CCDC85A: variants seen among roughly 807,000 people sequenced by gnomAD.
CCDC85A encodes coiled-coil domain-containing protein 85A.
CCDC85A carries 38 observed loss-of-function variants against 50.2 expected under a neutral mutation model. That is an observed-to-expected ratio of 0.76 (90% CI 0.58 to 0.99). The LOEUF is 0.99. Ranked by LOEUF, CCDC85A falls within the 50% of genes least tolerant of loss-of-function variation. The pLI is 0.00. For missense variants in CCDC85A, 820 were observed against 742.0 expected (o/e 1.11, Z -1.22); for synonymous variants, 366 against 301.4 (o/e 1.21, Z -2.22).
chr2:56,276,582 G>A (rs771834513), intron 2 of CCDC85A, among the ~76,000 whole-genome samples: 12 of 152,010 alleles, frequency 7.9e-5, no homozygotes, highest in Non-Finnish European at 1.3e-4. Flanking sequence ...CTCTCTTGCC[G>A]CTGCCACGTG....
chr2:56,381,079 A>C lies in CCDC85A; in HGVS notation c.1573-3187A>C, dbSNP rs573899676. Among the ~76,000 whole-genome samples the C allele has an allele frequency of 5.3e-5, 8 of 152,180 alleles. No homozygotes were observed. In the East Asian group the frequency reaches 1.6e-3, roughly 30 times the overall value. On this transcript the variant is annotated intron_variant, in intron 5 of 5. Transcript: ENST00000407595. ...CCCCTGGGCATTTTTTATGTGCTGG[A>C]ATGAGACTTGTAGTCTCTTGCTTGC...
Position 56,294,724 on chromosome 2 carries a change from A to G in CCDC85A, c.1241-48155A>G, listed in dbSNP as rs74416770. Among the ~76,000 whole-genome samples, 1,306 of 152,330 alleles carry G rather than the reference A, an allele frequency of 8.6e-3. 29 individuals are homozygous for G. The highest frequency in any genetic ancestry group is 0.03 in the African/African-American group (1,229 of 41,588). ...ATCAGAACTTAGAGATTTATGTATG[A>G]AAAAGTGATAATGTTTCTGGGTTGC... is the stretch of plus-strand genomic sequence containing the variant. On this transcript the variant is annotated intron_variant, in intron 2 of 5. Coordinates refer to ENST00000407595, the MANE Select transcript of CCDC85A (RefSeq NM_001080433.2).
chr2:56,373,986 T>C (rs1404479255), intron 4 of CCDC85A, among the ~76,000 whole-genome samples: 1 of 152,216 alleles, frequency 6.6e-6, no homozygotes, highest in African/African-American at 2.4e-5. Flanking sequence ...TAACCATCTT[T>C]TAACTTCAGA....
In CCDC85A at chr2:56,375,873, G is replaced by T. The variant is rs767322339; in HGVS notation, c.1510G>T (p.Ala504Ser). The change falls in exon 5 of 6, where the codon GCT becomes TCT. Residue 504 changes from alanine (A) to serine (S), a missense_variant. Ala to Ser is a moderately conservative substitution (Grantham distance 99). Transcript: ENST00000407595. The part of the protein sequence containing the change: ...DGSNSSPNSA[A>S]SFSGHATPSQ... The stretch of plus-strand genomic sequence containing the variant: ...GAGTAACAGTTCACCCAACTCTGCA[G>T]CTAGCTTCAGTGGACATGCCACACC... 1.9e-6 allele frequency: 3 copies of T among 1,613,810 alleles called. No individual in the cohort carries two copies. Among genetic ancestry groups the T allele is most frequent in the Non-Finnish European group, 2.5e-6 (3 of 1,179,788 alleles).
At chr2:56,301,483 C>T (rs1672199184) in intron 2 of CCDC85A, among the ~76,000 whole-genome samples, 2 of 152,064 alleles carry the variant, frequency 1.3e-5, no homozygotes, top group African/African-American at 4.8e-5. Context: ...ATAAGTGCCC[C>T]TCCAGTGATT....
rs917672547 is a variant in CCDC85A, at chr2:56,184,629, C to G, written c.5C>G (p.Ser2Trp). The change falls in exon 1 of 6, where the codon TCG (serine) becomes TGG (tryptophan). Residue 2 changes from serine to tryptophan, a missense_variant. Ser to Trp is a radical substitution (Grantham distance 177, BLOSUM62 -3). Coordinates refer to ENST00000407595, the MANE Select transcript of CCDC85A (RefSeq NM_001080433.2). ...ACCTGCCACCCCGCGGATACCATGT[C>G]GAAGGCGGCCGGAGGCGCGGCGGCG... MSKAAGGAAAAA... is the reference protein window; with the variant it reads MWKAAGGAAAAA... 115 of 1,426,370 alleles carry G rather than the reference C, an allele frequency of 8.1e-5. No homozygotes were observed. The highest frequency in any genetic ancestry group is 1.0e-4 in the Non-Finnish European group (115 of 1,104,434). 88.4% of individuals were successfully genotyped at this position (1,426,370 alleles called of 1,614,324 possible). A position where few individuals can be genotyped will look rare whatever the true frequency, so the allele number is the denominator to read the frequency against.
chr2:56,293,622 A>G (rs1460532849), intron 2 of CCDC85A, among the ~76,000 whole-genome samples: 1 of 152,168 alleles, frequency 6.6e-6, no homozygotes, highest in African/African-American at 2.4e-5. Flanking sequence ...GAAAAAAACA[A>G]CTCCATCAAA....
intron 3 of CCDC85A, among the ~76,000 whole-genome samples, chr2:56,354,329 A>G (rs534943093): frequency 1.4e-4 from 22 of 152,364 alleles, no homozygotes; most frequent in African/African-American, 5.1e-4. Context: ...GGTATCACAC[A>G]TTAGTTTTTT....
intron 2 of CCDC85A, among the ~76,000 whole-genome samples, chr2:56,251,657 CTCT>C (rs1320658963): frequency 5.3e-5 from 8 of 152,080 alleles, no homozygotes; most frequent in Admixed American, 5.2e-4. Flanking sequence ...CCTGCTCTGC[CTCT>C]TCTTGCTGTT....
rs13420629 is a variant in CCDC85A at position 56,338,343 on chromosome 2, T to A, written c.1241-4536T>A. 3.7e-3 allele frequency among the ~76,000 whole-genome samples: 564 copies of A among 152,280 alleles called. 1 individual carries two copies. Among genetic ancestry groups the A allele is most frequent in the African/African-American group, 0.013 (537 of 41,554 alleles). On this transcript the variant is annotated intron_variant, in intron 2 of 5. Coordinates refer to ENST00000407595, the MANE Select transcript of CCDC85A (RefSeq NM_001080433.2). ...CACTTCCCTTAGGTACAGCTATCCA[T>A]CATGTTCCCTGAGTGTACCGGGAGA...
At position 56,384,468 on chromosome 2, in the gene CCDC85A, G is replaced by A. The variant is rs1573385690; in HGVS notation, c.*113G>A. Reference sequence around the variant, plus strand: ...CTGGACTCATGGAATAACATGGAGTGATTGTACATTGCACATATCTCCCCT... The same window carrying A: ...CTGGACTCATGGAATAACATGGAGTAATTGTACATTGCACATATCTCCCCT... On this transcript the variant is annotated 3_prime_UTR_variant, in exon 6 of 6. Coordinates refer to ENST00000407595, the MANE Select transcript of CCDC85A (RefSeq NM_001080433.2). The A allele has an allele frequency of 2.4e-6, 2 of 838,474 alleles. No homozygotes were observed. The highest frequency in any genetic ancestry group is 3.9e-6 in the Non-Finnish European group (2 of 512,694). 51.9% of individuals were successfully genotyped at this position (838,474 alleles called of 1,614,324 possible).
intron 2 of CCDC85A, among the ~76,000 whole-genome samples, chr2:56,215,808 C>T (rs1370606346): frequency 6.6e-6 from 1 of 151,694 alleles, no homozygotes; most frequent in Non-Finnish European, 1.5e-5. Context: ...GGCCAGTAGG[C>T]CACATTTAGC....
chr2:56,339,640 A>T (rs1674256922), intron 2 of CCDC85A, among the ~76,000 whole-genome samples: 1 of 152,240 alleles, frequency 6.6e-6, no homozygotes, highest in African/African-American at 2.4e-5. Context: ...GGGGCAATAA[A>T]GATAAGGTGT....
chr2:56,227,201 T>C (rs1055035991), intron 2 of CCDC85A, among the ~76,000 whole-genome samples: 1 of 152,194 alleles, frequency 6.6e-6, no homozygotes, highest in Non-Finnish European at 1.5e-5. Flanking sequence ...TTCTTTACAT[T>C]CTTTTTTCTT....
chr2:56,274,592 A>T (rs1269423259), intron 2 of CCDC85A, among the ~76,000 whole-genome samples: 1 of 152,150 alleles, frequency 6.6e-6, no homozygotes, highest in African/African-American at 2.4e-5. Context: ...CTTCACTTAA[A>T]ATCTATGGAT....
rs769038703 is a variant in CCDC85A at position 56,306,567 on chromosome 2, G to T, written c.1241-36312G>T. Among the ~76,000 whole-genome samples, 6 of 152,110 alleles carry T rather than the reference G, an allele frequency of 3.9e-5. 1 individual carries two copies. The highest frequency in any genetic ancestry group is 8.8e-5 in the Non-Finnish European group (6 of 68,018). On this transcript the variant is annotated intron_variant, in intron 2 of 5. Transcript: ENST00000407595. ...GAAAAAAATGGGTTTCTCAATTAAT[G>T]ACATTTGGATGTATGGTTGTATAAG... is the stretch of plus-strand genomic sequence containing the variant.
At chr2:56,356,381 G>C (rs1675226195) in intron 3 of CCDC85A, among the ~76,000 whole-genome samples, 2 of 152,204 alleles carry the variant, frequency 1.3e-5, no homozygotes, top group Non-Finnish European at 2.9e-5. Context: ...TTTAATACAT[G>C]ATTCTTTAAC....
At chr2:56,213,233 A>T (rs1263113647) in intron 2 of CCDC85A, among the ~76,000 whole-genome samples, 1 of 152,010 alleles carries the variant, frequency 6.6e-6, no homozygotes, top group Non-Finnish European at 1.5e-5. Context: ...ACTATTATTT[A>T]TAAAAGAAGA....
intron 1 of CCDC85A, among the ~76,000 whole-genome samples, chr2:56,187,438 CTTGT>C (rs1012316110): frequency 6.6e-6 from 1 of 152,104 alleles, no homozygotes; most frequent in Non-Finnish European, 1.5e-5. Context: ...CACTGATTGA[CTTGT>C]TTGTGTTTAG....
Sources: gnomAD v4.1 joint callset for allele counts (sites outside exome capture counted in the v4.1 genomes callset) on GRCh38, gnomAD v4.1.1 for gene constraint, MANE v1.5 for transcripts, NCBI Gene and HGNC (gene_info 2026-07-23, HGNC 2026-07-21) for gene names.